AP1B1: variants seen among roughly 807,000 people sequenced by gnomAD.
The protein encoded by AP1B1 is adaptor related protein complex 1 subunit beta 1.
AP1B1 carries 36 observed loss-of-function variants against 104.3 expected under a neutral mutation model. The ratio of observed to expected loss-of-function variants is 0.35; its 90% CI spans 0.26 to 0.46. The LOEUF (loss-of-function observed/expected upper bound fraction) is 0.46. Among genes scored for constraint, AP1B1 ranks in the 20% least tolerant of loss-of-function variants. The pLI, the probability that AP1B1 is intolerant of heterozygous loss-of-function variation, is 1.00. For missense variants in AP1B1, 901 were observed against 1,247.9 expected, an observed-to-expected ratio of 0.72 and a Z score of 4.19; for synonymous variants, 504 against 517.5, an observed-to-expected ratio of 0.97 and a Z score of 0.35.
chr22:29,358,603 T>C (rs2061995672), intron 5 of AP1B1, 123 bp downstream of exon 5: 2 of 1,331,388 alleles, frequency 1.5e-6, no homozygotes, highest in Non-Finnish European at 2.1e-6. Context: ...CAAGAACAAC[T>C]GGCACCCCCA....
intron 14 of AP1B1, 45 bp downstream of exon 14, chr22:29,340,611 C>T: frequency 6.7e-7 from 1 of 1,492,660 alleles, no homozygotes; most frequent in South Asian, 1.3e-5. Context: ...GACTGCTCCT[C>T]TGAGGATCAT....
chr22:29,334,118 G>A, intron 17 of AP1B1, 147 bp downstream of exon 17: 1 of 907,190 alleles, frequency 1.1e-6, no homozygotes, highest in Non-Finnish European at 1.6e-6. Context: ...TTTGGCCTGA[G>A]CGGTGGTGGG....
At chr22:29,380,837 C>G (rs146801220) in intron 1 of AP1B1, among the ~76,000 whole-genome samples, 2 of 152,266 alleles carry the variant, frequency 1.3e-5, no homozygotes, top group Non-Finnish European at 2.9e-5. Context: ...CCAAATCAGA[C>G]AGTAGCACCC....
At chr22:29,330,033 C>T (rs1275155842) in intron 21 of AP1B1, 39 of 1,408,706 alleles carry the variant, frequency 2.8e-5, no homozygotes, top group Non-Finnish European at 3.4e-5. Context: ...CCACTGTCCT[C>T]CCAGCTGGAC....
At chr22:29,383,224 G>T (rs1217550760) in intron 1 of AP1B1, among the ~76,000 whole-genome samples, 1 of 152,078 alleles carries the variant, frequency 6.6e-6, no homozygotes, top group Admixed American at 6.5e-5. Context: ...CTCGGAGATC[G>T]GGCAATGAAG....
chr22:29,365,088 T>A (rs866802546), intron 2 of AP1B1, among the ~76,000 whole-genome samples: 3 of 152,180 alleles, frequency 2.0e-5, no homozygotes, highest in Non-Finnish European at 4.4e-5. Flanking sequence ...CAACTCTGCA[T>A]TTCCCTCCGT....
intron 1 of AP1B1, among the ~76,000 whole-genome samples, chr22:29,385,512 G>C (rs183511722): frequency 1.2e-3 from 176 of 152,336 alleles, no homozygotes; most frequent in Non-Finnish European, 2.0e-3. Flanking sequence ...AGAGTCCAAA[G>C]GGCCTTGAAT....
chr22:29,376,952 T>C (rs2062352696), intron 1 of AP1B1, among the ~76,000 whole-genome samples: 1 of 152,010 alleles, frequency 6.6e-6, no homozygotes, highest in African/African-American at 2.4e-5. Context: ...ATCCAGCACT[T>C]TGGGAGGCCG....
At position 29,341,581 on chromosome 22, in the gene AP1B1, G is replaced by A. The variant is rs756747539; in HGVS notation, c.1716C>T (p.Ser572=). 10 of 1,614,104 alleles carry A rather than the reference G, an allele frequency of 6.2e-6. No individual in the cohort carries two copies. The highest frequency in any genetic ancestry group is 4.0e-5 in the African/African-American group (3 of 74,942). The change falls in exon 13 of 23, where the codon TCC becomes TCT. Residue 572 remains serine (S), a synonymous_variant. Coordinates refer to ENST00000357586, the MANE Select transcript of AP1B1 (RefSeq NM_001127.4). ...ELICYIGTLA[S]VYHKPPSAFV... ...AGGCACTGGGAGGCTTATGGTAGAC[G>A]GAAGCCAGCGTGCCGATGTAGCAGA...
At chr22:29,336,120 C>T (rs1315314465) in intron 16 of AP1B1, among the ~76,000 whole-genome samples, 5 of 152,240 alleles carry the variant, frequency 3.3e-5, no homozygotes, top group Non-Finnish European at 7.3e-5. Context: ...ACTGTCACCA[C>T]CAGCAGACTC....
chr22:29,371,614 C>T (rs1350678360), intron 1 of AP1B1, among the ~76,000 whole-genome samples: 2 of 151,960 alleles, frequency 1.3e-5, no homozygotes, highest in Non-Finnish European at 2.9e-5. Context: ...GCCTGTAGTT[C>T]CAGTTACTCA....
At chr22:29,334,067 A>T (rs900846959) in intron 17 of AP1B1, among the ~76,000 whole-genome samples, 198 bp downstream of exon 17, 3 of 152,180 alleles carry the variant, frequency 2.0e-5, no homozygotes, top group African/African-American at 7.2e-5. Flanking sequence ...TCTGTCTCCA[A>T]AAGAAAAAAC....
chr22:29,353,948 G>A (rs1472542520), intron 7 of AP1B1, among the ~76,000 whole-genome samples: 1 of 152,202 alleles, frequency 6.6e-6, no homozygotes, highest in East Asian at 1.9e-4. Flanking sequence ...AGCCACTTCA[G>A]AGGAAGAAGG....
chr22:29,365,296 G>A (rs1276604199), intron 2 of AP1B1, among the ~76,000 whole-genome samples: 1 of 152,054 alleles, frequency 6.6e-6, no homozygotes, highest in Non-Finnish European at 1.5e-5. Context: ...ACCCAGGCAT[G>A]TCTGTCCACA....
At chr22:29,386,429 T>C (rs904078826) in intron 1 of AP1B1, among the ~76,000 whole-genome samples, 1 of 152,222 alleles carries the variant, frequency 6.6e-6, no homozygotes, top group African/African-American at 2.4e-5. Context: ...TCTGACTCTT[T>C]GAGACCTACT....
At chr22:29,350,236 G>T in intron 9 of AP1B1, 86 bp from the exon 10 acceptor site, 1 of 991,570 alleles carries the variant, frequency 1.0e-6, no homozygotes, top group Non-Finnish European at 1.6e-6. Flanking sequence ...GCCAAGGGCT[G>T]CAAATCACTT....
intron 2 of AP1B1, among the ~76,000 whole-genome samples, chr22:29,364,554 G>T (rs540059634): frequency 6.6e-6 from 1 of 151,856 alleles, no homozygotes; most frequent in Non-Finnish European, 1.5e-5. Context: ...GGGTAGCTGG[G>T]ACTACAGGCG....
chr22:29,331,691 GAGC>G, intron 18 of AP1B1, 93 bp downstream of exon 18: 2 of 1,605,896 alleles, frequency 1.2e-6, no homozygotes, highest in South Asian at 1.1e-5. Context: ...CTGCAGCTAA[GAGC>G]ATGACTCCGC....
chr22:29,331,495 G>A lies in AP1B1; in HGVS notation c.2478C>T (p.Ser826=), dbSNP rs1271711592. 18 of 1,614,086 alleles carry A rather than the reference G, an allele frequency of 1.1e-5. No individual in the cohort carries two copies. The highest frequency in any genetic ancestry group is 1.5e-5 in the Non-Finnish European group (18 of 1,180,038). ...VKNNIDVFYF[S]TLYPLHILFV... is the part of the protein sequence containing the mutation. ...AGAGGATGTGCAGTGGGTACAAGGT[G>A]CTGAAGTAGAAGACATCGATGTTGT... Residue 826 remains serine (S), a synonymous_variant, in exon 19 of 23, where the codon AGC becomes AGT. Coordinates refer to ENST00000357586, the MANE Select transcript of AP1B1 (RefSeq NM_001127.4).
Sources: gnomAD v4.1 joint callset for allele counts (sites outside exome capture counted in the v4.1 genomes callset) on GRCh38, gnomAD v4.1.1 for gene constraint, MANE v1.5 for transcripts, NCBI Gene and HGNC (gene_info 2026-07-23, HGNC 2026-07-21) for gene names.